The following STAM variants were observed in gnomAD, a reference collection of about 807,000 sequenced individuals.
STAM encodes the protein signal transducing adaptor molecule.
In STAM, 16 loss-of-function variants were observed where a neutral mutation model predicts 63.4. The ratio of observed to expected loss-of-function variants is 0.25; its 90% CI spans 0.17 to 0.38. The LOEUF (loss-of-function observed/expected upper bound fraction) is 0.38. Ranked by LOEUF, STAM falls within the 10% of genes least tolerant of loss-of-function variation. STAM has a pLI of 1.00. For synonymous variants in STAM, 238 were observed against 223.9 expected, an observed-to-expected ratio of 1.06 and a Z score of -0.56; for missense variants, 636 against 657.1, an observed-to-expected ratio of 0.97 and a Z score of 0.35.
intron 12 of STAM, 36 bp from the exon 13 acceptor site, chr10:17,708,740 T>A: frequency 6.5e-7 from 1 of 1,548,614 alleles, no homozygotes. Flanking sequence ...TATTAAAATT[T>A]TAGAATTGAA....
In STAM at chr10:17,714,718, C is replaced by T. The variant is rs887586734; in HGVS notation, c.1561C>T (p.Pro521Ser). 9 of 1,614,122 alleles carry T rather than the reference C, an allele frequency of 5.6e-6. No homozygotes were observed. The highest frequency in any genetic ancestry group is 7.6e-6 in the Non-Finnish European group (9 of 1,180,030). ...CTTAACATCATCAACTCTGCCTCAG[C>T]CCGGAGGCAGCCAACAGCCACCTCA... ...YNLTSSTLPQ[P>S]GGSQQPPQPQ... The change falls in exon 14 of 14, where the codon CCC becomes TCC. Residue 521 changes from proline to serine, a missense_variant. Coordinates refer to ENST00000377524, the MANE Select transcript of STAM (RefSeq NM_003473.4).
intron 13 of STAM, among the ~76,000 whole-genome samples, chr10:17,711,955 T>G (rs1836574668): frequency 6.6e-6 from 1 of 152,210 alleles, no homozygotes; most frequent in Non-Finnish European, 1.5e-5. Context: ...TGCTATTAAT[T>G]GGAAAGAGTT....
chr10:17,700,431 T>G (rs1196062183), intron 9 of STAM, 152 bp downstream of exon 9: 7 of 533,076 alleles, frequency 1.3e-5, no homozygotes, highest in Non-Finnish European at 6.4e-6. Context: ...ATGCAGACTG[T>G]TTTTTGAAAC....
chr10:17,697,015 G>A, intron 8 of STAM, 146 bp downstream of exon 8: 1 of 619,920 alleles, frequency 1.6e-6, no homozygotes, highest in Non-Finnish European at 2.8e-6. Flanking sequence ...CGCCTCCTGG[G>A]TTCAGGTGAT....
In STAM at chr10:17,696,797, G is replaced by A. The variant is rs1554827568; in HGVS notation, c.751G>A (p.Glu251Lys). The A allele has an allele frequency of 3.1e-6, 5 of 1,613,690 alleles. No individual in the cohort carries two copies. In the Admixed American group the frequency reaches 8.3e-5, roughly 27 times the overall value. The change falls in exon 8 of 14, where the codon GAA becomes AAA. Residue 251 changes from glutamate to lysine, a missense_variant. Coordinates refer to ENST00000377524, the MANE Select transcript of STAM (RefSeq NM_003473.4). The part of the protein sequence containing the change: ...DDSDPNWWKG[E>K]THQGIGLFPS... ...TAGTGATCCTAACTGGTGGAAAGGT[G>A]AAACCCATCAAGGCATAGGGTTATT...
At chr10:17,671,173 C>T (rs1834624899) in intron 2 of STAM, among the ~76,000 whole-genome samples, 1 of 152,152 alleles carries the variant, frequency 6.6e-6, no homozygotes, top group Non-Finnish European at 1.5e-5. Context: ...CCTATAAAAG[C>T]TATGCATGCA....
At chr10:17,676,109 A>G (rs1834844757) in intron 2 of STAM, among the ~76,000 whole-genome samples, 1 of 152,318 alleles carries the variant, frequency 6.6e-6, no homozygotes, top group South Asian at 2.1e-4. Flanking sequence ...TGTTTGGGAA[A>G]TTAGAAAGGT....
Position 17,715,318 on chromosome 10 carries a change from A to C in STAM, c.*538A>C, listed in dbSNP as rs1412479117. 6.1e-6 allele frequency: 1 copy of C among 163,162 alleles called. No individual in the cohort carries two copies. The highest frequency in any genetic ancestry group is 1.4e-5 in the Non-Finnish European group (1 of 73,680). 10.1% of individuals were successfully genotyped at this position (163,162 alleles called of 1,614,324 possible). ...CAAAGTTGTTAGCGTATTTACATGAAGGCGCATTATGTTGTCGTGTGTTTC... is the reference window on the plus strand; with the variant it reads ...CAAAGTTGTTAGCGTATTTACATGACGGCGCATTATGTTGTCGTGTGTTTC... On this transcript the variant is annotated 3_prime_UTR_variant, in exon 14 of 14. Transcript: ENST00000377524.
At chr10:17,646,182 A>G (rs2131549154) in intron 1 of STAM, among the ~76,000 whole-genome samples, 1 of 152,294 alleles carries the variant, frequency 6.6e-6, no homozygotes, top group African/African-American at 2.4e-5. Flanking sequence ...TTACTGTAGC[A>G]AAGGGTTTCT....
At chr10:17,698,206 TTTTC>T (rs1481971225) in intron 8 of STAM, among the ~76,000 whole-genome samples, 3 of 152,172 alleles carry the variant, frequency 2.0e-5, no homozygotes, top group Non-Finnish European at 2.9e-5. Context: ...TTCAATGATG[TTTTC>T]TATGTCTGTG....
intron 13 of STAM, among the ~76,000 whole-genome samples, chr10:17,709,890 A>T (rs1375092156): frequency 6.7e-6 from 1 of 149,464 alleles, no homozygotes; most frequent in African/African-American, 2.5e-5. Flanking sequence ...CAAGGCCCAC[A>T]TGTCAGAAAA....
At position 17,700,925 on chromosome 10, in the gene STAM, T is replaced by C. The variant is rs73603884; in HGVS notation, c.912+646T>C. Among the ~76,000 whole-genome samples, 1,510 of 152,376 alleles carry C rather than the reference T, an allele frequency of 9.9e-3. 25 individuals are homozygous for C. The highest frequency in any genetic ancestry group is 0.034 in the African/African-American group (1,425 of 41,598). On this transcript the variant is annotated intron_variant, in intron 9 of 13. Transcript: ENST00000377524. ...AGCAGTGCTAATATATTGAATATCA[T>C]TGGAGATGATTCATGATTCCTCCTT...
chr10:17,714,312 A>ACC (rs376861625), intron 13 of STAM, among the ~76,000 whole-genome samples: 8,959 of 149,770 alleles, frequency 0.06, 283 homozygotes, highest in Middle Eastern at 0.16. Context: ...TCCGCAAACC[A>ACC]CCCCCCCCAA....
chr10:17,665,544 G>A (rs1834342019), intron 2 of STAM, among the ~76,000 whole-genome samples: 1 of 151,550 alleles, frequency 6.6e-6, no homozygotes, highest in South Asian at 2.1e-4. Flanking sequence ...GTTACTTATT[G>A]ACTACTTATT....
At chr10:17,711,433 GTCT>G (rs1380324300) in intron 13 of STAM, among the ~76,000 whole-genome samples, 2 of 152,194 alleles carry the variant, frequency 1.3e-5, no homozygotes, top group African/African-American at 2.4e-5. Flanking sequence ...ACACCTGAGA[GTCT>G]TCTTTAGCTT....
chr10:17,659,101 T>C (rs1268492275), intron 1 of STAM, among the ~76,000 whole-genome samples: 1 of 148,460 alleles, frequency 6.7e-6, no homozygotes, highest in East Asian at 2.0e-4. Flanking sequence ...ATAGCAGTTA[T>C]ACTTTTTTAA....
chr10:17,702,704 G>C (rs1836052568), intron 9 of STAM, among the ~76,000 whole-genome samples: 2 of 152,110 alleles, frequency 1.3e-5, no homozygotes, highest in Non-Finnish European at 2.9e-5. Context: ...ATGTTTGGCT[G>C]ATTGCATTAT....
chr10:17,698,481 C>T (rs1012060655), intron 8 of STAM, among the ~76,000 whole-genome samples: 1 of 150,544 alleles, frequency 6.6e-6, no homozygotes, highest in Non-Finnish European at 1.5e-5. Flanking sequence ...TAGTTTTTCT[C>T]ATGTTTTTCA....
At chr10:17,682,077 T>C (rs1835109353) in intron 2 of STAM, among the ~76,000 whole-genome samples, 1 of 152,234 alleles carries the variant, frequency 6.6e-6, no homozygotes, top group African/African-American at 2.4e-5. Flanking sequence ...TTTGATAGTT[T>C]GATGAGTTTT....
Sources: gnomAD v4.1 joint callset for allele counts (sites outside exome capture counted in the v4.1 genomes callset) on GRCh38, gnomAD v4.1.1 for gene constraint, MANE v1.5 for transcripts, NCBI Gene and HGNC (gene_info 2026-07-23, HGNC 2026-07-21) for gene names.